The following FARP1 variants were observed in gnomAD, a reference collection of about 807,000 sequenced individuals.
FARP1 encodes the protein FERM, ARH/RhoGEF and pleckstrin domain protein 1.
Under a neutral mutation model 128.8 loss-of-function variants are expected in FARP1, and 52 were observed. The observed-to-expected ratio is 0.40, with a 90% CI of 0.32 to 0.51. The LOEUF is 0.51. Ranked by LOEUF, FARP1 falls within the 20% of genes least tolerant of loss-of-function variation. The pLI is 0.45. For synonymous variants in FARP1, 580 were observed against 551.8 expected (o/e 1.05, Z -0.72); for missense variants, 1,333 against 1,367.9 (o/e 0.97, Z 0.40).
chr13:98,185,521 T>C (rs912499965), intron 1 of FARP1, among the ~76,000 whole-genome samples: 2 of 152,188 alleles, frequency 1.3e-5, no homozygotes, highest in Non-Finnish European at 2.9e-5. Flanking sequence ...CTCTGCTCTT[T>C]AGTATGTAAT....
chr13:98,403,781 A>G (rs1365020391), intron 13 of FARP1: 3 of 152,232 alleles, frequency 2.0e-5, no homozygotes, highest in African/African-American at 7.2e-5. Flanking sequence ...TTCTTTGAGC[A>G]TGGAAGGCCA....
chr13:98,370,575 T>C (rs1594454865), intron 5 of FARP1, among the ~76,000 whole-genome samples: 1 of 81,926 alleles, frequency 1.2e-5, no homozygotes, highest in African/African-American at 4.8e-5. Flanking sequence ...CTTGAGTGAC[T>C]GGGGGGGAGA....
intron 2 of FARP1, among the ~76,000 whole-genome samples, chr13:98,327,976 G>A (rs1440220813): frequency 3.9e-5 from 6 of 152,116 alleles, no homozygotes; most frequent in Admixed American, 6.5e-5. Flanking sequence ...AGAACCATGC[G>A]CACGCGATTG....
chr13:98,181,967 C>T (rs76280345), intron 1 of FARP1, among the ~76,000 whole-genome samples: 2,036 of 152,122 alleles, frequency 0.013, 33 homozygotes, highest in African/African-American at 0.04. Flanking sequence ...GAGAGATTAG[C>T]GCTATCTTTT....
intron 13 of FARP1, chr13:98,402,700 A>G (rs1364468729): frequency 6.6e-6 from 1 of 152,198 alleles, no homozygotes; most frequent in Non-Finnish European, 1.5e-5. Context: ...TGGCTGATGG[A>G]TAAATCCCTT....
intron 6 of FARP1, chr13:98,381,835 C>T (rs1374072706): frequency 6.6e-6 from 1 of 152,148 alleles, no homozygotes; most frequent in African/African-American, 2.4e-5. Flanking sequence ...GCTGATGTGA[C>T]ACTTTCAGCA....
intron 6 of FARP1, among the ~76,000 whole-genome samples, chr13:98,379,374 T>C (rs1889801133): frequency 6.6e-6 from 1 of 150,986 alleles, no homozygotes; most frequent in South Asian, 2.1e-4. Context: ...TTCTTGTGTT[T>C]GTTCTCCCCT....
At chr13:98,326,412 A>C (rs1409707157) in intron 2 of FARP1, among the ~76,000 whole-genome samples, 1 of 152,184 alleles carries the variant, frequency 6.6e-6, no homozygotes, top group Non-Finnish European at 1.5e-5. Context: ...AGAGGTCCAG[A>C]ACTTTTTCAT....
chr13:98,389,695 G>A (rs1050384325), intron 9 of FARP1: 3 of 368,276 alleles, frequency 8.1e-6, no homozygotes, highest in African/African-American at 6.2e-5. Flanking sequence ...GTCAAAAAAT[G>A]GTGTCACTTC....
chr13:98,235,757 T>G (rs1222443866), intron 2 of FARP1, among the ~76,000 whole-genome samples: 1 of 151,620 alleles, frequency 6.6e-6, no homozygotes, highest in Non-Finnish European at 1.5e-5. Context: ...CTGCCAACCA[T>G]CTAGGCTCAT....
intron 16 of FARP1, among the ~76,000 whole-genome samples, chr13:98,414,191 G>T (rs1345878518): frequency 6.6e-6 from 1 of 152,168 alleles, no homozygotes; most frequent in Non-Finnish European, 1.5e-5. Flanking sequence ...GATTCCCAGA[G>T]GGTTTTCAGT....
chr13:98,295,352 C>T (rs1306373250), intron 2 of FARP1, among the ~76,000 whole-genome samples: 3 of 152,080 alleles, frequency 2.0e-5, no homozygotes, highest in East Asian at 3.9e-4. Context: ...ACGAGACTCG[C>T]GTGTCCTCAG....
chr13:98,276,767 A>G (rs561017279), intron 2 of FARP1, among the ~76,000 whole-genome samples: 1 of 152,296 alleles, frequency 6.6e-6, no homozygotes, highest in African/African-American at 2.4e-5. Context: ...AGGATGTAGA[A>G]TATCCATTGC....
Position 98,453,524 on chromosome 13 carries a change from T to C in FARP1, c.*5207T>C, listed in dbSNP as rs1893300503. On this transcript the variant is annotated 3_prime_UTR_variant, in exon 27 of 27. Transcript: ENST00000319562. ...TCAATTGTCAAAAAGTGAACATTGA[T>C]CCATACATGATGACACAGTAAGATT... 3.1e-6 allele frequency: 1 copy of C among 324,564 alleles called. No homozygotes were observed. The highest frequency in any genetic ancestry group is 4.2e-5 in the South Asian group (1 of 23,662). 20.1% of individuals were successfully genotyped at this position (324,564 alleles called of 1,614,324 possible).
chr13:98,182,134 T>C (rs1371183621), intron 1 of FARP1, among the ~76,000 whole-genome samples: 1 of 152,146 alleles, frequency 6.6e-6, no homozygotes, highest in Non-Finnish European at 1.5e-5. Context: ...CAAAATTTTA[T>C]CAGTTAATTA....
Position 98,450,354 on chromosome 13 carries a change from T to C in FARP1, c.*2037T>C, listed in dbSNP as rs1482525758. On this transcript the variant is annotated 3_prime_UTR_variant, in exon 27 of 27. Transcript: ENST00000319562. Reference sequence around the variant, plus strand: ...GGAAATATAAAAAATGTTTATAAACTGACAGTGTTTTGCCAGAGGAAAGGT... The same window carrying C: ...GGAAATATAAAAAATGTTTATAAACCGACAGTGTTTTGCCAGAGGAAAGGT... 6.6e-6 allele frequency: 1 copy of C among 152,192 alleles called. No individual in the cohort carries two copies. The highest frequency in any genetic ancestry group is 1.5e-5 in the Non-Finnish European group (1 of 68,038). 9.4% of individuals were successfully genotyped at this position (152,192 alleles called of 1,614,324 possible).
chr13:98,360,008 A>T (rs1888799870), intron 3 of FARP1, among the ~76,000 whole-genome samples: 1 of 151,914 alleles, frequency 6.6e-6, no homozygotes, highest in South Asian at 2.1e-4. Flanking sequence ...CTACGGGCTG[A>T]ATTTGTCCCC....
chr13:98,319,649 A>G (rs1886904860), intron 2 of FARP1, among the ~76,000 whole-genome samples: 1 of 152,198 alleles, frequency 6.6e-6, no homozygotes, highest in Non-Finnish European at 1.5e-5. Context: ...GCCTCCATTT[A>G]TCTCTCTTCT....
rs947959896 is a variant in FARP1 at position 98,216,683 on chromosome 13, T to C, written c.171+3270T>C. 1.7e-4 allele frequency among the ~76,000 whole-genome samples: 26 copies of C among 152,304 alleles called. No individual in the cohort carries two copies. The South Asian group carries it at 4.1e-3, about 24-fold the overall frequency. ...CACCATCTTCTCCATGGTGTCTCCG[T>C]CCTTCTTTGTACCCTAAAAAAATTA... On this transcript the variant is annotated intron_variant, in intron 2 of 26. Transcript: ENST00000319562.
Sources: allele counts gnomAD v4.1 joint callset (sites outside exome capture counted in the v4.1 genomes callset), GRCh38; gene constraint gnomAD v4.1.1; transcripts MANE v1.5; gene names NCBI Gene and HGNC (gene_info 2026-07-23, HGNC 2026-07-21).